The following ZNF385D variants were observed in gnomAD, a reference collection of about 807,000 sequenced individuals.
ZNF385D encodes the protein zinc finger protein 385D, also known as zinc finger protein 659.
In ZNF385D, 15 loss-of-function variants were observed where a neutral mutation model predicts 35.8. The observed-to-expected ratio is 0.42, with a 90% confidence interval of 0.28 to 0.64. The LOEUF (loss-of-function observed/expected upper bound fraction) is 0.64, where lower values mean the gene tolerates loss of function less well. Among genes scored for constraint, ZNF385D ranks in the 30% least tolerant of loss-of-function variants. The pLI, the probability that ZNF385D is intolerant of heterozygous loss-of-function variation, is 0.23. For synonymous variants in ZNF385D, 212 were observed against 186.8 expected, an observed-to-expected ratio of 1.13 and a Z score of -1.10; for missense variants, 474 against 494.6, an observed-to-expected ratio of 0.96 and a Z score of 0.39.
At chr3:21,989,240 A>C (rs1030827415) in intron 3 of ZNF385D, among the ~76,000 whole-genome samples, 9 of 152,152 alleles carry the variant, frequency 5.9e-5, no homozygotes, top group East Asian at 1.9e-4. Context: ...TTAACCTTAC[A>C]TATCAAAGCT....
chr3:21,832,868 A>T (rs1407450214), intron 3 of ZNF385D, among the ~76,000 whole-genome samples: 2 of 152,210 alleles, frequency 1.3e-5, no homozygotes, highest in African/African-American at 4.8e-5. Flanking sequence ...AAGGAAAAAG[A>T]TCCATGCACC....
intron 2 of ZNF385D, among the ~76,000 whole-genome samples, chr3:22,214,792 CA>C (rs1278094479): frequency 2.6e-5 from 4 of 151,954 alleles, no homozygotes; most frequent in Non-Finnish European, 5.9e-5. Context: ...AATGCATGCC[CA>C]AAACTTCATT....
chr3:22,229,719 C>A (rs1020705680), intron 2 of ZNF385D, among the ~76,000 whole-genome samples: 1 of 152,168 alleles, frequency 6.6e-6, no homozygotes, highest in Admixed American at 6.5e-5. Flanking sequence ...CCACCTACAG[C>A]AATAGACAAG....
intron 3 of ZNF385D, among the ~76,000 whole-genome samples, chr3:21,782,164 A>G (rs1366062845): frequency 2.0e-5 from 3 of 152,152 alleles, no homozygotes; most frequent in East Asian, 1.9e-4. Flanking sequence ...ATGGTGGTCA[A>G]TCTCTGCTCC....
chr3:22,131,646 C>A (rs765610781), intron 3 of ZNF385D, among the ~76,000 whole-genome samples: 1 of 152,096 alleles, frequency 6.6e-6, no homozygotes, highest in African/African-American at 2.4e-5. Flanking sequence ...GCAAAGAGAA[C>A]AGATGTTTAT....
At chr3:22,356,235 C>T (rs1193557836) in intron 2 of ZNF385D, among the ~76,000 whole-genome samples, 1 of 151,840 alleles carries the variant, frequency 6.6e-6, no homozygotes, top group Non-Finnish European at 1.5e-5. Context: ...CTCTGTTTTG[C>T]CTTATTATTG....
At chr3:21,966,566 C>A (rs1702924616) in intron 3 of ZNF385D, among the ~76,000 whole-genome samples, 1 of 152,140 alleles carries the variant, frequency 6.6e-6, no homozygotes, top group Non-Finnish European at 1.5e-5. Flanking sequence ...TTGGTGTCAA[C>A]TAGCAGGTTT....
intron 2 of ZNF385D, among the ~76,000 whole-genome samples, chr3:21,626,658 G>C (rs1559470635): frequency 6.6e-6 from 1 of 152,068 alleles, no homozygotes; most frequent in Non-Finnish European, 1.5e-5. Flanking sequence ...GGCTGAGTAG[G>C]TAATGCAAGT....
At chr3:21,522,066 G>A (rs528212966) in intron 3 of ZNF385D, among the ~76,000 whole-genome samples, 1 of 152,072 alleles carries the variant, frequency 6.6e-6, no homozygotes, top group African/African-American at 2.4e-5. Context: ...AATCAATTCG[G>A]TGCCCTGGCT....
intron 3 of ZNF385D, among the ~76,000 whole-genome samples, chr3:21,803,992 T>C (rs1214483112): frequency 6.6e-6 from 1 of 152,194 alleles, no homozygotes; most frequent in Non-Finnish European, 1.5e-5. Flanking sequence ...TCATATCATG[T>C]TTACACAATG....
intron 2 of ZNF385D, among the ~76,000 whole-genome samples, chr3:22,245,667 C>G (rs755473360): frequency 6.9e-6 from 1 of 144,494 alleles, no homozygotes; most frequent in African/African-American, 2.6e-5. Context: ...TGCTGCTGCA[C>G]AACTATGAAG....
intron 3 of ZNF385D, among the ~76,000 whole-genome samples, chr3:22,071,560 C>A (rs1700229629): frequency 6.6e-6 from 1 of 152,120 alleles, no homozygotes; most frequent in South Asian, 2.1e-4. Flanking sequence ...TTTATGCATT[C>A]CTCCATACAT....
At chr3:21,926,744 AG>A (rs1331582289) in intron 3 of ZNF385D, among the ~76,000 whole-genome samples, 1 of 152,184 alleles carries the variant, frequency 6.6e-6, no homozygotes, top group Non-Finnish European at 1.5e-5. Flanking sequence ...GCATGGGCAA[AG>A]ACTTCATGAC....
intron 2 of ZNF385D, among the ~76,000 whole-genome samples, chr3:21,564,990 C>T (rs1480601215): frequency 6.6e-6 from 1 of 152,128 alleles, no homozygotes; most frequent in African/African-American, 2.4e-5. Context: ...AAAGATTTAT[C>T]AAAATTCAAG....
intron 3 of ZNF385D, among the ~76,000 whole-genome samples, chr3:21,816,969 C>T (rs946119760): frequency 3.1e-4 from 47 of 152,272 alleles, no homozygotes; most frequent in Non-Finnish European, 5.9e-4. Context: ...CAGCATGGTA[C>T]TGGTACCAAA....
intron 3 of ZNF385D, among the ~76,000 whole-genome samples, chr3:21,812,543 G>A (rs753464498): frequency 1.3e-5 from 2 of 152,228 alleles, no homozygotes; most frequent in African/African-American, 2.4e-5. Flanking sequence ...ACACCAGGAG[G>A]TTATATCCCA....
intron 3 of ZNF385D, among the ~76,000 whole-genome samples, chr3:22,162,741 G>A (rs963025005): frequency 3.9e-5 from 6 of 152,184 alleles, no homozygotes; most frequent in African/African-American, 9.7e-5. Context: ...CCAGGCTTAT[G>A]CATGTTAATA....
intron 2 of ZNF385D, among the ~76,000 whole-genome samples, chr3:22,243,756 C>A (rs1699618006): frequency 6.6e-6 from 1 of 150,594 alleles, no homozygotes; most frequent in Non-Finnish European, 1.5e-5. Flanking sequence ...AAAAATGGTA[C>A]CGTTATCAAG....
rs115131999 is a variant in ZNF385D, at chr3:22,012,193, G to A, written c.325+156624C>T. On this transcript the variant is annotated intron_variant, in intron 3 of 5. Coordinates refer to the ZNF385D transcript ENST00000494108. ...TCCATTACTTCAACACCAGATTCTTGAGAGGATATATGACACACCTCTTCA... is the reference window on the plus strand; with the variant it reads ...TCCATTACTTCAACACCAGATTCTTAAGAGGATATATGACACACCTCTTCA... 5.8e-3 allele frequency among the ~76,000 whole-genome samples: 888 copies of A among 152,194 alleles called. 8 individuals carry two copies. Among genetic ancestry groups the A allele is most frequent in the African/African-American group, 0.02 (811 of 41,542 alleles).
Sources: allele counts gnomAD v4.1 joint callset (sites outside exome capture counted in the v4.1 genomes callset), GRCh38; gene constraint gnomAD v4.1.1; transcripts MANE v1.5; gene names NCBI Gene and HGNC (gene_info 2026-07-23, HGNC 2026-07-21).